The following PPP4R3B variants were observed in gnomAD, a reference collection of about 807,000 sequenced individuals.
PPP4R3B encodes serine/threonine-protein phosphatase 4 regulatory subunit 3B.
In PPP4R3B, 52 loss-of-function variants were observed where a neutral mutation model predicts 95.4. That is an observed-to-expected ratio of 0.54 (90% CI 0.44 to 0.69). The LOEUF (loss-of-function observed/expected upper bound fraction) is 0.69, where lower values mean the gene tolerates loss of function less well. Ranked by LOEUF, PPP4R3B falls within the 30% of genes least tolerant of loss-of-function variation. The pLI is 0.00. For missense variants in PPP4R3B, 1,003 were observed against 1,005.9 expected (o/e 1.00, Z 0.04); for synonymous variants, 407 against 343.9 (o/e 1.18, Z -2.03).
intron 11 of PPP4R3B, among the ~76,000 whole-genome samples, chr2:55,576,033 G>A (rs1476412204): frequency 6.6e-6 from 1 of 151,420 alleles, no homozygotes; most frequent in Non-Finnish European, 1.5e-5. Context: ...GCCAAAATTT[G>A]AACTAGTCCC....
At chr2:55,574,041 A>G (rs1355747009) in intron 11 of PPP4R3B, among the ~76,000 whole-genome samples, 3 of 151,536 alleles carry the variant, frequency 2.0e-5, no homozygotes, top group Non-Finnish European at 4.4e-5. Flanking sequence ...GATGTACGCC[A>G]CCATGCTAGC....
intron 13 of PPP4R3B, among the ~76,000 whole-genome samples, chr2:55,566,370 T>C (rs191685068): frequency 1.1e-3 from 175 of 152,322 alleles, no homozygotes; most frequent in African/African-American, 4.2e-3. Context: ...AATTCCATCA[T>C]GGGCATAGGG....
chr2:55,591,555 T>C (rs527309545), intron 4 of PPP4R3B: 1 of 984,256 alleles, frequency 1.0e-6, no homozygotes, highest in African/African-American at 1.7e-5. Flanking sequence ...TGTTGTAGAT[T>C]ACATCTTCAT....
intron 4 of PPP4R3B, among the ~76,000 whole-genome samples, chr2:55,589,659 T>A (rs913096546): frequency 6.0e-4 from 91 of 152,120 alleles, no homozygotes; most frequent in Middle Eastern, 3.4e-3. Flanking sequence ...CTCACGCCCG[T>A]AATCCCAGCA....
At chr2:55,595,242 T>C (rs1464584924) in intron 4 of PPP4R3B, among the ~76,000 whole-genome samples, 1 of 151,178 alleles carries the variant, frequency 6.6e-6, no homozygotes, top group Non-Finnish European at 1.5e-5. Context: ...CAGGCTGGTC[T>C]CAAACTCCTG....
chr2:55,615,719 G>T (rs560705857), intron 1 of PPP4R3B, among the ~76,000 whole-genome samples: 1 of 151,954 alleles, frequency 6.6e-6, no homozygotes, highest in East Asian at 1.9e-4. Context: ...GGGCGTGGTG[G>T]CGCATGCCTG....
At chr2:55,581,750 G>C (rs1244140231) in intron 7 of PPP4R3B, 52 bp from the exon 8 acceptor site, 2 of 1,566,194 alleles carry the variant, frequency 1.3e-6, no homozygotes, top group South Asian at 2.3e-5. Context: ...ACCTGGTTTA[G>C]ATCTAAGACA....
chr2:55,574,935 C>CTTTTT (rs70954131), intron 11 of PPP4R3B, among the ~76,000 whole-genome samples: 1 of 99,330 alleles, frequency 1.0e-5, no homozygotes. Context: ...TATACAACTT[C>CTTTTT]TTTTTTTTTT....
intron 2 of PPP4R3B, among the ~76,000 whole-genome samples, chr2:55,607,428 G>C (rs1343147645): frequency 6.6e-6 from 1 of 152,072 alleles, no homozygotes; most frequent in Non-Finnish European, 1.5e-5. Flanking sequence ...CTCCCTCCTT[G>C]GATTTGATTA....
rs761329485 is a variant in PPP4R3B, at chr2:55,558,898, G to A, written c.2331C>T (p.Ser777=). 19 of 1,613,848 alleles carry A rather than the reference G, an allele frequency of 1.2e-5. No homozygotes were observed. Among genetic ancestry groups the A allele is most frequent in the African/African-American group, 1.1e-4 (8 of 74,886 alleles). Reference sequence around the variant, plus strand: ...TTCCATTAGCAGCACTGGCAGAGTGGGAGAAAGTAAATTTGAAGCCACCAG... The same window carrying A: ...TTCCATTAGCAGCACTGGCAGAGTGAGAGAAAGTAAATTTGAAGCCACCAG... ...TSPGGFKFTF[S]HSASAANGTN... Residue 777 remains serine (S), a synonymous_variant, in exon 16 of 17, where the codon TCC becomes TCT. Transcript: ENST00000616407.
intron 4 of PPP4R3B, among the ~76,000 whole-genome samples, chr2:55,590,752 T>C (rs756389889): frequency 1.3e-5 from 2 of 152,218 alleles, no homozygotes; most frequent in Non-Finnish European, 2.9e-5. Context: ...AATAAAACCC[T>C]AACATTTAAA....
chr2:55,566,488 C>A (rs750140071), intron 13 of PPP4R3B, among the ~76,000 whole-genome samples: 3 of 152,156 alleles, frequency 2.0e-5, no homozygotes, highest in Non-Finnish European at 4.4e-5. Context: ...TGCAGCAGTA[C>A]AATGGGAACT....
Position 55,585,180 on chromosome 2 carries a change from A to G in PPP4R3B, c.1117-13T>C, listed in dbSNP as rs1366710130. 6.4e-7 allele frequency: 1 copy of G among 1,568,470 alleles called. No homozygotes were observed. ...AATCATCCATGCCCTGATAAAAGGA[A>G]AATTAGGTTACTTAGAGACTGTTAA... On this transcript the variant is annotated splice_polypyrimidine_tract_variant and intron_variant, in intron 6 of 16. Coordinates refer to ENST00000616407, the MANE Select transcript of PPP4R3B (RefSeq NM_001122964.3).
intron 4 of PPP4R3B, among the ~76,000 whole-genome samples, chr2:55,591,293 T>A (rs573789699): frequency 1.3e-5 from 2 of 151,408 alleles, no homozygotes; most frequent in African/African-American, 2.4e-5. Context: ...CGTGCCACCA[T>A]ACCTGGCTAT....
At chr2:55,608,698 A>G (rs1693748570) in intron 2 of PPP4R3B, among the ~76,000 whole-genome samples, 1 of 152,156 alleles carries the variant, frequency 6.6e-6, no homozygotes, top group African/African-American at 2.4e-5. Context: ...TAAAAATCCC[A>G]ACTTGGCTGG....
chr2:55,586,794 T>A (rs1295965163), intron 5 of PPP4R3B, 60 bp from the exon 6 acceptor site: 2 of 982,790 alleles, frequency 2.0e-6, no homozygotes, highest in South Asian at 1.5e-5. Flanking sequence ...CACACTATAG[T>A]AATCATCTAC....
At chr2:55,579,250 T>A (rs185854346) in intron 9 of PPP4R3B, among the ~76,000 whole-genome samples, 1 of 152,246 alleles carries the variant, frequency 6.6e-6, no homozygotes, top group African/African-American at 2.4e-5. Flanking sequence ...TATTAGCACA[T>A]ATTGGCATAT....
intron 16 of PPP4R3B, among the ~76,000 whole-genome samples, chr2:55,558,384 C>A (rs1237714438): frequency 6.6e-6 from 1 of 151,978 alleles, no homozygotes; most frequent in East Asian, 1.9e-4. Context: ...CCGAGGTGGG[C>A]GGAACATGAG....
chr2:55,556,238 A>G (rs1685830769), intron 16 of PPP4R3B, among the ~76,000 whole-genome samples: 1 of 152,230 alleles, frequency 6.6e-6, no homozygotes, highest in Admixed American at 6.5e-5. Flanking sequence ...TGATAGAGCA[A>G]CTGTTTCCCA....
Sources: allele counts gnomAD v4.1 joint callset (sites outside exome capture counted in the v4.1 genomes callset), GRCh38; gene constraint gnomAD v4.1.1; transcripts MANE v1.5; gene names NCBI Gene and HGNC (gene_info 2026-07-23, HGNC 2026-07-21).